SYCP2: variants seen among roughly 807,000 people sequenced by gnomAD.
The protein encoded by SYCP2 is synaptonemal complex protein 2.
SYCP2 carries 55 observed loss-of-function variants against 211.3 expected under a neutral mutation model. The observed-to-expected ratio is 0.26, with a 90% CI of 0.21 to 0.33. The LOEUF (loss-of-function observed/expected upper bound fraction) is 0.33. Among genes scored for constraint, SYCP2 ranks in the 10% least tolerant of loss-of-function variants. The pLI, the probability that SYCP2 is intolerant of heterozygous loss-of-function variation, is 1.00. For synonymous variants in SYCP2, 570 were observed against 555.2 expected (o/e 1.03, Z -0.37); for missense variants, 1,731 against 1,752.0 (o/e 0.99, Z 0.21).
intron 16 of SYCP2, 142 bp downstream of exon 16, chr20:59,901,519 TG>T: frequency 2.0e-6 from 1 of 494,068 alleles, no homozygotes; most frequent in South Asian, 4.4e-5. Context: ...AACAAGCTGA[TG>T]ACTCTTCAAC....
At chr20:59,868,657 T>A in intron 37 of SYCP2, 89 bp from the exon 38 acceptor site, 6 of 1,404,838 alleles carry the variant, frequency 4.3e-6, no homozygotes, top group Non-Finnish European at 5.7e-6. Flanking sequence ...AAAGGCTTTG[T>A]TTCCACTAAG....
chr20:59,914,186 C>T lies in SYCP2; in HGVS notation c.700G>A (p.Glu234Lys). ...CRMTTEKQRQ[E>K]LAHQWFSMDF... ...ATTGAAAACCACTGATGTGCCAGTT[C>T]TTGTCTTTGTTTTTCTGTGGTCATT... The change falls in exon 11 of 45, where the codon GAA becomes AAA. Residue 234 changes from glutamate to lysine, a missense_variant. Glu to Lys is a moderately conservative substitution (Grantham distance 56). Coordinates refer to ENST00000357552, the MANE Select transcript of SYCP2 (RefSeq NM_014258.4). The T allele has an allele frequency of 6.2e-7, 1 of 1,605,326 alleles. No individual in the cohort carries two copies. The highest frequency in any genetic ancestry group is 8.5e-7 in the Non-Finnish European group (1 of 1,173,868).
intron 22 of SYCP2, 121 bp from the exon 23 acceptor site, chr20:59,892,822 T>G: frequency 1.2e-6 from 1 of 869,092 alleles, no homozygotes. Flanking sequence ...TATGTGGAAA[T>G]TTATCTTATC....
At position 59,865,806 on chromosome 20, in the gene SYCP2, C is replaced by A; in HGVS notation, c.4379+1G>T. The A allele has an allele frequency of 7.1e-7, 1 of 1,412,390 alleles. No individual in the cohort carries two copies. The highest frequency in any genetic ancestry group is 9.5e-7 in the Non-Finnish European group (1 of 1,056,908). The allele number at this position is 1,412,390 out of a possible 1,614,324, so 87.5% of individuals were successfully genotyped here. On this transcript the variant is annotated splice_donor_variant, in intron 42 of 44. Transcript: ENST00000357552. LOFTEE classifies it high-confidence loss of function. ...ATAGCCATTAAGAATGTCATACTAA[C>A]CTCTGTTGTTCGCTTTTTTGATATG...
chr20:59,890,048 G>A (rs1033131090), intron 24 of SYCP2, among the ~76,000 whole-genome samples: 3 of 151,980 alleles, frequency 2.0e-5, no homozygotes, highest in Non-Finnish European at 4.4e-5. Flanking sequence ...CCCATTACTG[G>A]GTATATACCC....
chr20:59,907,308 A>G (rs1427409838), intron 15 of SYCP2, 56 bp downstream of exon 15: 1 of 1,140,054 alleles, frequency 8.8e-7, no homozygotes, highest in Non-Finnish European at 1.3e-6. Context: ...AGGATGTAAC[A>G]TTTGTTCCAT....
At chr20:59,930,908 GTAAT>G (rs1391381327) in intron 2 of SYCP2, among the ~76,000 whole-genome samples, 2 of 152,164 alleles carry the variant, frequency 1.3e-5, no homozygotes, top group East Asian at 1.9e-4. Flanking sequence ...CACATTTTGA[GTAAT>G]TACAGTTTTA....
chr20:59,869,930 A>C lies in SYCP2; in HGVS notation c.3609T>G (p.Ser1203Arg), dbSNP rs754456902. 7 of 1,605,682 alleles carry C rather than the reference A, an allele frequency of 4.4e-6. No individual in the cohort carries two copies. Among genetic ancestry groups the C allele is most frequent in the Non-Finnish European group, 4.3e-6 (5 of 1,174,728 alleles). The change falls in exon 36 of 45, where the codon AGT becomes AGG. Residue 1203 changes from serine (S) to arginine (R), a missense_variant. Coordinates refer to ENST00000357552, the MANE Select transcript of SYCP2 (RefSeq NM_014258.4). ...GTGTTTCTTGTGTAAGTACCAGAGAACTTATTTTTTTTCTATTTACAATAG... is the reference window on the plus strand; with the variant it reads ...GTGTTTCTTGTGTAAGTACCAGAGACCTTATTTTTTTTCTATTTACAATAG... ...SNTIVNRKKISSLVLTQETQN... is the reference protein window; with the variant it reads ...SNTIVNRKKIRSLVLTQETQN...
In SYCP2 at chr20:59,919,482, G is replaced by A; in HGVS notation, c.402+11C>T. Reference sequence around the variant, plus strand: ...CTTTATAAATATCAGTGTAATCAATGTGATTTTTACCAGCAGAAGATCAAC... The same window carrying A: ...CTTTATAAATATCAGTGTAATCAATATGATTTTTACCAGCAGAAGATCAAC... On this transcript the variant is annotated intron_variant, in intron 6 of 44. Transcript: ENST00000357552. The A allele has an allele frequency of 5.3e-6, 8 of 1,515,234 alleles. No homozygotes were observed. The highest frequency in any genetic ancestry group is 7.3e-6 in the Non-Finnish European group (8 of 1,094,122). The allele number at this position is 1,515,234 out of a possible 1,614,324, so 93.9% of individuals were successfully genotyped here.
At chr20:59,907,660 CA>C (rs909978890) in intron 14 of SYCP2, among the ~76,000 whole-genome samples, 2 of 151,114 alleles carry the variant, frequency 1.3e-5, no homozygotes, top group African/African-American at 2.4e-5. Flanking sequence ...TATTCTTAAC[CA>C]AAAAAAAGAA....
At chr20:59,887,884 A>G (rs1444367382) in intron 24 of SYCP2, among the ~76,000 whole-genome samples, 1 of 152,076 alleles carries the variant, frequency 6.6e-6, no homozygotes, top group South Asian at 2.1e-4. Context: ...AAATAAGTCA[A>G]TATTATGAAT....
At chr20:59,866,955 GAC>G (rs1236669381) in intron 39 of SYCP2, among the ~76,000 whole-genome samples, 1 of 124,500 alleles carries the variant, frequency 8.0e-6, no homozygotes, top group Non-Finnish European at 1.6e-5. Context: ...TCTAGCTACA[GAC>G]ACATAGGAGA....
At position 59,892,433 on chromosome 20, in the gene SYCP2, G is replaced by A; in HGVS notation, c.1928-7C>T. 1.4e-6 allele frequency: 2 copies of A among 1,470,714 alleles called. No homozygotes were observed. The highest frequency in any genetic ancestry group is 1.4e-5 in the African/African-American group (1 of 69,758). 91.1% of individuals were successfully genotyped at this position (1,470,714 alleles called of 1,614,324 possible). ...TTTTTATTTATAACAATATCTATTG[G>A]GGAAAATGAGAAATTAATTCTTTTT... On this transcript the variant is annotated splice_polypyrimidine_tract_variant and splice_region_variant and intron_variant, in intron 23 of 44. Transcript: ENST00000357552.
intron 30 of SYCP2, 139 bp from the exon 31 acceptor site, chr20:59,880,610 C>T: frequency 3.5e-6 from 2 of 569,262 alleles, no homozygotes; most frequent in South Asian, 2.8e-5. Flanking sequence ...TTCTTAACAT[C>T]CTAATTTAGG....
intron 15 of SYCP2, among the ~76,000 whole-genome samples, chr20:59,903,789 G>A (rs2060162254): frequency 6.6e-6 from 1 of 152,126 alleles, no homozygotes; most frequent in African/African-American, 2.4e-5. Flanking sequence ...TTAGACAACT[G>A]GAGAGGGATG....
chr20:59,912,955 G>T (rs930078011), intron 12 of SYCP2, among the ~76,000 whole-genome samples: 3 of 152,180 alleles, frequency 2.0e-5, no homozygotes, highest in African/African-American at 7.2e-5. Context: ...GGCTTCCCCA[G>T]CCACATGGAA....
Position 59,875,414 on chromosome 20 carries a change from TTC to T in SYCP2, c.3204_3205del (p.Lys1069SerfsTer5). The T allele has an allele frequency of 6.2e-7, 1 of 1,612,992 alleles. No homozygotes were observed. Among genetic ancestry groups the T allele is most frequent in the Non-Finnish European group, 8.5e-7 (1 of 1,179,416 alleles). On this transcript the variant is annotated frameshift_variant, in exon 34 of 45. Transcript: ENST00000357552. LOFTEE classifies it high-confidence loss of function. Reference sequence around the variant, plus strand: ...CTTTTCTGTTTCAGCACAGAAGACTTTCTGTTGTTTCTTTGGTAGCTTTACCG... The same window carrying T: ...CTTTTCTGTTTCAGCACAGAAGACTTTGTTGTTTCTTTGGTAGCTTTACCG...
chr20:59,926,273 G>A (rs2060633160), intron 2 of SYCP2, among the ~76,000 whole-genome samples: 1 of 151,992 alleles, frequency 6.6e-6, no homozygotes, highest in Non-Finnish European at 1.5e-5. Context: ...CAAACTGGAT[G>A]GCTTAGAACA....
intron 24 of SYCP2, among the ~76,000 whole-genome samples, chr20:59,889,030 G>A (rs2059852431): frequency 6.6e-6 from 1 of 152,032 alleles, no homozygotes; most frequent in South Asian, 2.1e-4. Flanking sequence ...GCTCAATATT[G>A]TCAAGATGTC....
Sources: allele counts gnomAD v4.1 joint callset (sites outside exome capture counted in the v4.1 genomes callset), GRCh38; gene constraint gnomAD v4.1.1; transcripts MANE v1.5; gene names NCBI Gene and HGNC (gene_info 2026-07-23, HGNC 2026-07-21).